Variants in GNAQ observed in about 807,000 individuals in gnomAD.
GNAQ encodes the protein G protein subunit alpha q.
A neutral mutation model predicts 43.9 loss-of-function variants in GNAQ; 8 were observed. That is an observed-to-expected ratio of 0.18 (90% confidence interval 0.11 to 0.33). The LOEUF (loss-of-function observed/expected upper bound fraction) is 0.33, where lower values mean the gene tolerates loss of function less well. Among genes scored for constraint, GNAQ ranks in the 10% least tolerant of loss-of-function variants. The probability of loss-of-function intolerance (pLI) is 1.00; values close to 1 mark genes in which losing one functional copy is unlikely to be tolerated. For missense variants in GNAQ, 158 were observed against 450.8 expected, an observed-to-expected ratio of 0.35 and a Z score of 5.88; for synonymous variants, 155 against 170.7, an observed-to-expected ratio of 0.91 and a Z score of 0.71.
At chr9:77,904,317 C>CCTTTTTTTT (rs1244010736) in intron 2 of GNAQ, among the ~76,000 whole-genome samples, 7 of 77,432 alleles carry the variant, frequency 9.0e-5, no homozygotes, top group African/African-American at 4.0e-4. Flanking sequence ...TTCACACCGG[C>CCTTTTTTTT]TTTTTTTTTT....
chr9:77,837,893 G>C (rs1364902590), intron 2 of GNAQ, among the ~76,000 whole-genome samples: 1 of 147,080 alleles, frequency 6.8e-6, no homozygotes, highest in African/African-American at 2.5e-5. Context: ...CTGTTGCCTG[G>C]GCTGGAGTGC....
At chr9:77,901,840 A>G (rs1247732686) in intron 2 of GNAQ, among the ~76,000 whole-genome samples, 1 of 152,220 alleles carries the variant, frequency 6.6e-6, no homozygotes, top group Non-Finnish European at 1.5e-5. Flanking sequence ...AGGCACAGGC[A>G]CACTCAGTGT....
chr9:77,842,793 T>C (rs1208682759), intron 2 of GNAQ, among the ~76,000 whole-genome samples: 2 of 152,132 alleles, frequency 1.3e-5, no homozygotes, highest in Admixed American at 1.3e-4. Context: ...GATGAACATA[T>C]GCATCTTTTA....
In GNAQ at chr9:77,717,533, C is replaced by T. The variant is rs1203435389; in HGVS notation, c.*3790G>A. The T allele has an allele frequency of 5.6e-5, 13 of 232,160 alleles. No homozygotes were observed. The highest frequency in any genetic ancestry group is 9.4e-5 in the Non-Finnish European group (11 of 117,562). The allele number at this position is 232,160 out of a possible 1,614,324, so 14.4% of individuals were successfully genotyped here. A position where few individuals can be genotyped will look rare whatever the true frequency, so the allele number is the denominator to read the frequency against. Reference sequence around the variant, plus strand: ...ATTATTTATTTTTTTGCAAATAAGTCATTTTGACCCAAATCCAGCATAAAT... The same window carrying T: ...ATTATTTATTTTTTTGCAAATAAGTTATTTTGACCCAAATCCAGCATAAAT... On this transcript the variant is annotated 3_prime_UTR_variant, in exon 7 of 7. Transcript: ENST00000286548.
chr9:77,893,403 T>C (rs569942750), intron 2 of GNAQ, among the ~76,000 whole-genome samples: 3 of 152,310 alleles, frequency 2.0e-5, no homozygotes, highest in South Asian at 4.2e-4. Context: ...AGTTAACTTA[T>C]ATGGTCTGAA....
At chr9:77,746,590 A>C (rs1416782296) in intron 5 of GNAQ, among the ~76,000 whole-genome samples, 1 of 152,164 alleles carries the variant, frequency 6.6e-6, no homozygotes, top group African/African-American at 2.4e-5. Context: ...AAGGCAATTA[A>C]CTCGTGGGAA....
At chr9:77,816,811 T>A (rs1276009234) in intron 2 of GNAQ, among the ~76,000 whole-genome samples, 1 of 152,022 alleles carries the variant, frequency 6.6e-6, no homozygotes, top group African/African-American at 2.4e-5. Context: ...TTCACAAGAG[T>A]ATTAAGCAGA....
At chr9:77,765,832 A>C (rs985433965) in intron 5 of GNAQ, among the ~76,000 whole-genome samples, 13 of 152,248 alleles carry the variant, frequency 8.5e-5, no homozygotes, top group African/African-American at 3.1e-4. Context: ...AAGGAACCCA[A>C]GTGTCCATTG....
At chr9:77,910,220 C>T (rs1177083993) in intron 2 of GNAQ, among the ~76,000 whole-genome samples, 2 of 152,166 alleles carry the variant, frequency 1.3e-5, no homozygotes, top group Non-Finnish European at 2.9e-5. Context: ...GAGATGACTT[C>T]TCCAGTGGCG....
chr9:77,912,634 T>C (rs1828827206), intron 2 of GNAQ, among the ~76,000 whole-genome samples: 1 of 152,126 alleles, frequency 6.6e-6, no homozygotes, highest in Non-Finnish European at 1.5e-5. Flanking sequence ...TGTAAGCCAT[T>C]TACTCAACAA....
intron 5 of GNAQ, among the ~76,000 whole-genome samples, chr9:77,759,389 C>A (rs1196810957): frequency 1.3e-5 from 2 of 149,864 alleles, no homozygotes; most frequent in Non-Finnish European, 3.0e-5. Flanking sequence ...TAAATTCAAT[C>A]ATATCAAAAT....
chr9:77,836,118 T>G (rs935471120), intron 2 of GNAQ, among the ~76,000 whole-genome samples: 6 of 152,078 alleles, frequency 3.9e-5, no homozygotes, highest in Non-Finnish European at 8.8e-5. Context: ...AAACTATGAC[T>G]GAAGACATGG....
intron 6 of GNAQ, among the ~76,000 whole-genome samples, chr9:77,724,256 T>C (rs1225873614): frequency 6.6e-6 from 1 of 152,098 alleles, no homozygotes; most frequent in Non-Finnish European, 1.5e-5. Flanking sequence ...AGTGCCATGA[T>C]CTTGGCTCAC....
At chr9:77,748,015 C>T (rs1825756197) in intron 5 of GNAQ, among the ~76,000 whole-genome samples, 1 of 152,186 alleles carries the variant, frequency 6.6e-6, no homozygotes, top group Admixed American at 6.5e-5. Context: ...GACAATGTGG[C>T]ATAGAGAGGG....
intron 6 of GNAQ, among the ~76,000 whole-genome samples, chr9:77,726,031 T>TGG (rs1491054769): frequency 5.9e-5 from 9 of 151,846 alleles, no homozygotes; most frequent in African/African-American, 2.2e-4. Context: ...TGTGTGTGTG[T>TGG]GGCAGGCAAG....
In GNAQ at chr9:77,907,089, G is replaced by A. The variant is rs146013943; in HGVS notation, c.321+15072C>T. Among the ~76,000 whole-genome samples, 377 of 152,208 alleles carry A rather than the reference G, an allele frequency of 2.5e-3. 2 individuals carry two copies. The highest frequency in any genetic ancestry group is 8.6e-3 in the African/African-American group (355 of 41,518). On this transcript the variant is annotated intron_variant, in intron 2 of 6. Transcript: ENST00000286548. ...AAGGATCTAGTATTTATAGAAACAA[G>A]CTTCTTAATTTCAAGTGTACAGCTA...
At chr9:77,956,724 T>C (rs570500063) in intron 1 of GNAQ, among the ~76,000 whole-genome samples, 3 of 152,302 alleles carry the variant, frequency 2.0e-5, no homozygotes, top group East Asian at 3.9e-4. Flanking sequence ...TGTAGGGGCA[T>C]GGAGGTGGAG....
rs12349360 is a variant in GNAQ at position 77,770,461 on chromosome 9, A to G, written c.735+24002T>C. Among the ~76,000 whole-genome samples the G allele has an allele frequency of 5.5e-3, 835 of 152,268 alleles. 4 individuals carry two copies. The highest frequency in any genetic ancestry group is 0.018 in the African/African-American group (751 of 41,564). Reference sequence around the variant, plus strand: ...AGTGCCTGCCAGAATAAAAAACAACAACAAAACACAGGGAGCTTATTATTA... The same window carrying G: ...AGTGCCTGCCAGAATAAAAAACAACGACAAAACACAGGGAGCTTATTATTA... On this transcript the variant is annotated intron_variant, in intron 5 of 6. Transcript: ENST00000286548.
intron 1 of GNAQ, among the ~76,000 whole-genome samples, chr9:77,944,987 C>T (rs1822867408): frequency 6.6e-6 from 1 of 152,190 alleles, no homozygotes; most frequent in African/African-American, 2.4e-5. Flanking sequence ...GAGAATTCAG[C>T]AAGGCGGCTG....
Sources: gnomAD v4.1 joint callset for allele counts (sites outside exome capture counted in the v4.1 genomes callset) on GRCh38, gnomAD v4.1.1 for gene constraint, MANE v1.5 for transcripts, NCBI Gene and HGNC (gene_info 2026-07-23, HGNC 2026-07-21) for gene names.